STK3: variants seen among roughly 807,000 people sequenced by gnomAD.
STK3 encodes the protein serine/threonine kinase 3.
STK3 carries 41 observed loss-of-function variants against 58.0 expected under a neutral mutation model. The observed-to-expected ratio is 0.71, with a 90% CI of 0.55 to 0.92. The LOEUF is 0.92. Ranked by LOEUF, STK3 falls within the 40% of genes least tolerant of loss-of-function variation. STK3 has a pLI of 0.00. For missense variants in STK3, 479 were observed against 602.7 expected (o/e 0.79, Z 2.15); for synonymous variants, 170 against 191.0 (o/e 0.89, Z 0.91).
At chr8:98,707,710 T>C (rs918047609) in intron 4 of STK3, among the ~76,000 whole-genome samples, 2 of 152,068 alleles carry the variant, frequency 1.3e-5, no homozygotes, top group Non-Finnish European at 2.9e-5. Context: ...TAGCCACAAG[T>C]ACTTCTTTCT....
chr8:98,526,798 A>C lies in STK3; in HGVS notation c.1261T>G (p.Ser421Ala). 6.3e-7 allele frequency: 1 copy of C among 1,588,618 alleles called. No individual in the cohort carries two copies. Among genetic ancestry groups the C allele is most frequent in the Non-Finnish European group, 8.6e-7 (1 of 1,165,388 alleles). ...CAGTTATCAGGAAAAACGTTTTTGG[A>C]CATAGGGAAGGGTTCATGCATGTTC... is the stretch of plus-strand genomic sequence containing the variant. The part of the protein sequence containing the change: ...NQNMHEPFPM[S>A]KNVFPDNWKV... Residue 421 changes from serine (S) to alanine (A), a missense_variant, in exon 10 of 11, where the codon TCC becomes GCC. Physicochemically the swap from Ser to Ala is moderately conservative, Grantham distance 99. Coordinates refer to ENST00000419617, the MANE Select transcript of STK3 (RefSeq NM_006281.4).
At chr8:98,896,796 T>C (rs1838461173) in intron 1 of STK3, among the ~76,000 whole-genome samples, 2 of 151,768 alleles carry the variant, frequency 1.3e-5, no homozygotes, top group Admixed American at 6.6e-5. Context: ...CTGGGCAACA[T>C]AGTGAAACCC....
intron 1 of STK3, among the ~76,000 whole-genome samples, chr8:98,777,979 C>A (rs1831816144): frequency 6.6e-6 from 1 of 152,196 alleles, no homozygotes; most frequent in Admixed American, 6.5e-5. Flanking sequence ...GTAAGGACTT[C>A]ATGTCTAAAA....
At chr8:98,596,683 G>C (rs1815851628) in intron 6 of STK3, among the ~76,000 whole-genome samples, 1 of 151,924 alleles carries the variant, frequency 6.6e-6, no homozygotes, top group African/African-American at 2.4e-5. Context: ...AATTTCAAAT[G>C]AAAAATTTCA....
At chr8:98,649,678 T>C (rs1820719378) in intron 6 of STK3, among the ~76,000 whole-genome samples, 1 of 152,190 alleles carries the variant, frequency 6.6e-6, no homozygotes, top group African/African-American at 2.4e-5. Flanking sequence ...TTCTCACTTT[T>C]TTCTCCATAA....
chr8:98,388,871 T>A (rs1188965337), upstream of STK3, among the ~76,000 whole-genome samples: 1 of 152,222 alleles, frequency 6.6e-6, no homozygotes, highest in Non-Finnish European at 1.5e-5. Context: ...GACCTGACAT[T>A]CAACATCTTT....
chr8:98,426,830 C>T (rs1485390517), intron 3 of STK3, among the ~76,000 whole-genome samples: 3 of 152,070 alleles, frequency 2.0e-5, no homozygotes, highest in Non-Finnish European at 4.4e-5. Flanking sequence ...GTGTCGGCCC[C>T]GCGCCGAGCC....
intron 9 of STK3, among the ~76,000 whole-genome samples, chr8:98,543,403 A>G: frequency 6.6e-6 from 1 of 152,146 alleles, no homozygotes; most frequent in Non-Finnish European, 1.5e-5. Flanking sequence ...GATTGGAGGC[A>G]GAGGATCAGT....
rs1051186088 is a variant in STK3, at chr8:98,883,951, C to A, written c.-78-117G>T. 1.6e-5 allele frequency: 8 copies of A among 498,654 alleles called. No homozygotes were observed. In the East Asian group the frequency reaches 2.5e-4, roughly 15 times the overall value. 30.9% of individuals were successfully genotyped at this position (498,654 alleles called of 1,614,324 possible). A position where few individuals can be genotyped will look rare whatever the true frequency, so the allele number is the denominator to read the frequency against. On this transcript the variant is annotated intron_variant, in intron 1 of 1. Coordinates refer to the STK3 transcript ENST00000519420. Reference sequence around the variant, plus strand: ...CATGTTGGGAACAGGGAGGGGAGAGCAAAGGAAGCAATTAAGGGAGTCATC... The same window carrying A: ...CATGTTGGGAACAGGGAGGGGAGAGAAAAGGAAGCAATTAAGGGAGTCATC...
chr8:98,877,846 T>C (rs2131890236), intron 3 of STK3, among the ~76,000 whole-genome samples: 1 of 152,296 alleles, frequency 6.6e-6, no homozygotes, highest in South Asian at 2.1e-4. Flanking sequence ...TATTATGTAG[T>C]ACTTTAAAAA....
At chr8:98,768,271 C>T (rs1831068405) in intron 2 of STK3, among the ~76,000 whole-genome samples, 2 of 152,280 alleles carry the variant, frequency 1.3e-5, no homozygotes, top group South Asian at 4.1e-4. Flanking sequence ...AATTCAAACA[C>T]ATTCCCACCC....
intron 1 of STK3, among the ~76,000 whole-genome samples, chr8:98,813,055 T>C (rs927633072): frequency 6.9e-6 from 1 of 145,432 alleles, no homozygotes; most frequent in Non-Finnish European, 1.5e-5. Context: ...AAAAAGAAAG[T>C]GATGTGTTTC....
At chr8:98,613,997 C>A (rs913390548) in intron 6 of STK3, among the ~76,000 whole-genome samples, 20 of 151,962 alleles carry the variant, frequency 1.3e-4, no homozygotes, top group Admixed American at 1.2e-3. Context: ...GAAAATATAA[C>A]AAGCACTAAT....
chr8:98,794,482 C>T (rs1833001451), intron 1 of STK3, among the ~76,000 whole-genome samples: 1 of 152,090 alleles, frequency 6.6e-6, no homozygotes, highest in Non-Finnish European at 1.5e-5. Flanking sequence ...GAAATAGAAA[C>T]CCTGAGCAGA....
At chr8:98,586,168 TTG>T (rs1374715819) in intron 7 of STK3, among the ~76,000 whole-genome samples, 6 of 151,264 alleles carry the variant, frequency 4.0e-5, no homozygotes, top group Middle Eastern at 3.2e-3. Context: ...CATCCCTGTC[TTG>T]TGCCAGTTTT....
intron 1 of STK3, among the ~76,000 whole-genome samples, chr8:98,940,132 C>A (rs1269299001): frequency 1.3e-5 from 2 of 152,008 alleles, no homozygotes; most frequent in Non-Finnish European, 2.9e-5. Flanking sequence ...CCGCTCCTAC[C>A]CCCTCGGCGT....
intron 3 of STK3, among the ~76,000 whole-genome samples, chr8:98,841,261 A>G (rs1401175112): frequency 6.6e-6 from 1 of 152,238 alleles, no homozygotes; most frequent in Non-Finnish European, 1.5e-5. Context: ...TTGAGTACCA[A>G]GAGATAACTT....
At chr8:98,858,225 T>C (rs1836752339) in intron 3 of STK3, among the ~76,000 whole-genome samples, 3 of 143,464 alleles carry the variant, frequency 2.1e-5, no homozygotes. Flanking sequence ...CTACTAAAAA[T>C]ACAAAAATTA....
downstream of STK3, among the ~76,000 whole-genome samples, chr8:98,450,475 C>T (rs985881840): frequency 1.3e-5 from 2 of 152,136 alleles, no homozygotes; most frequent in Non-Finnish European, 2.9e-5. Context: ...GTTATTTCTG[C>T]CCAAGACAAC....
Sources: gnomAD v4.1 joint callset for allele counts (sites outside exome capture counted in the v4.1 genomes callset) on GRCh38, gnomAD v4.1.1 for gene constraint, MANE v1.5 for transcripts, NCBI Gene and HGNC (gene_info 2026-07-23, HGNC 2026-07-21) for gene names.